The following CRACDL variants were observed in gnomAD, a reference collection of about 807,000 sequenced individuals.
CRACDL encodes the protein CRACD-like protein.
A neutral mutation model predicts 70.6 loss-of-function variants in CRACDL; 26 were observed. That is an observed-to-expected ratio of 0.37 (90% CI 0.27 to 0.51). The LOEUF is 0.51. CRACDL is among the 20% of genes least tolerant of loss of function. The pLI, the probability that CRACDL is intolerant of heterozygous loss-of-function variation, is 0.94. For missense variants in CRACDL, 1,283 were observed against 1,376.9 expected (o/e 0.93, Z 1.08); for synonymous variants, 618 against 615.2 (o/e 1.00, Z -0.07).
rs768371377 is a variant in CRACDL at position 98,822,308 on chromosome 2, C to A, written c.1965G>T (p.Gln655His). Residue 655 changes from glutamine to histidine, a missense_variant, in exon 7 of 10, where the codon CAG (glutamine) becomes CAT (histidine). Coordinates refer to ENST00000397899, the MANE Select transcript of CRACDL (RefSeq NM_207362.3). This position sits in a 1 kb window ranked among gnomAD's most constrained non-coding sequence, Gnocchi z 4.9. Reference protein sequence around the residue: ...ASPAGPRKSPQEAAAAPGTRE... With the variant: ...ASPAGPRKSPHEAAAAPGTRE... ...TCGTGCCGGGCGCGGCGGCCGCCTC[C>A]TGAGGGCTCTTGCGCGGCCCGGCCG... 13 of 1,508,158 alleles carry A rather than the reference C, an allele frequency of 8.6e-6. No homozygotes were observed. Among genetic ancestry groups the A allele is most frequent in the Non-Finnish European group, 1.1e-5 (12 of 1,138,814 alleles). 93.4% of individuals were successfully genotyped at this position (1,508,158 alleles called of 1,614,324 possible).
intron 2 of CRACDL, among the ~76,000 whole-genome samples, chr2:98,845,174 T>G (rs964195047): frequency 6.6e-6 from 1 of 151,166 alleles, no homozygotes; most frequent in Non-Finnish European, 1.5e-5. Context: ...GGTTGCCATT[T>G]TCCTTTTCTT....
chr2:98,897,453 TG>T, intron 1 of CRACDL: 3 of 1,235,604 alleles, frequency 2.4e-6, no homozygotes, highest in Non-Finnish European at 3.2e-6. Flanking sequence ...ATTCATTACA[TG>T]GAGTATGCAG....
At chr2:98,843,096 C>T (rs1038649242) in intron 2 of CRACDL, among the ~76,000 whole-genome samples, 6 of 152,176 alleles carry the variant, frequency 3.9e-5, no homozygotes, top group East Asian at 3.9e-4. Context: ...ACGTTTAATA[C>T]GTGTGTCCTG....
intron 5 of CRACDL, among the ~76,000 whole-genome samples, chr2:98,827,723 G>A (rs772339354): frequency 6.6e-6 from 1 of 152,236 alleles, no homozygotes; most frequent in Non-Finnish European, 1.5e-5. Flanking sequence ...CAGAGAACCT[G>A]TGTCTCAGGC....
At chr2:98,901,995 G>A (rs557182220) in intron 1 of CRACDL, among the ~76,000 whole-genome samples, 12 of 152,164 alleles carry the variant, frequency 7.9e-5, no homozygotes, top group Admixed American at 5.2e-4. Context: ...CCGAGAAAGC[G>A]GGACGTCATA....
intron 1 of CRACDL, among the ~76,000 whole-genome samples, chr2:98,885,046 G>T (rs1479619924): frequency 6.6e-6 from 1 of 152,164 alleles, no homozygotes; most frequent in South Asian, 2.1e-4. Flanking sequence ...GTAGCAAGAG[G>T]GTGCAGGGCA....
rs1324933327 is a variant in CRACDL, at chr2:98,832,425, A to T, written c.463T>A (p.Ser155Thr). 1 of 1,614,096 alleles carries T rather than the reference A, an allele frequency of 6.2e-7. No homozygotes were observed. Among genetic ancestry groups the T allele is most frequent in the Non-Finnish European group, 8.5e-7 (1 of 1,179,990 alleles). Residue 155 changes from serine to threonine, a missense_variant, in exon 5 of 10, where the codon TCT (serine) becomes ACT (threonine). Transcript: ENST00000397899. ...CTCCTGGGCAGCCCGTCGTCCTCAGAGCTCATGCCGGCATCCTCTCCCCGC... is the reference window on the plus strand; with the variant it reads ...CTCCTGGGCAGCCCGTCGTCCTCAGTGCTCATGCCGGCATCCTCTCCCCGC... ...AKRGEDAGMS[S>T]EDDGLPRSPP...
intron 1 of CRACDL, among the ~76,000 whole-genome samples, chr2:98,870,444 G>A (rs1422870698): frequency 1.3e-5 from 2 of 152,184 alleles, no homozygotes; most frequent in Non-Finnish European, 2.9e-5. Context: ...TGATAATCAC[G>A]CAGTGCGCTG....
At chr2:98,931,801 G>A (rs1709086286) in intron 1 of CRACDL, among the ~76,000 whole-genome samples, 2 of 152,184 alleles carry the variant, frequency 1.3e-5, no homozygotes, top group Non-Finnish European at 2.9e-5. Context: ...GGCTGACGCT[G>A]CTCAGGAGGT....
intron 7 of CRACDL, among the ~76,000 whole-genome samples, chr2:98,798,949 G>A (rs1703956264): frequency 6.6e-6 from 1 of 152,136 alleles, no homozygotes; most frequent in Non-Finnish European, 1.5e-5. Flanking sequence ...TTCCCAAAGT[G>A]CTGCAATTAC....
chr2:98,832,557 A>G, intron 4 of CRACDL, 45 bp from the exon 5 acceptor site: 1 of 1,483,180 alleles, frequency 6.7e-7, no homozygotes, highest in South Asian at 1.3e-5. Context: ...CATCAATGAT[A>G]TTTATCAACA....
intron 3 of CRACDL, among the ~76,000 whole-genome samples, chr2:98,837,309 T>G (rs1306027217): frequency 6.6e-6 from 1 of 151,124 alleles, no homozygotes; most frequent in Non-Finnish European, 1.5e-5. Flanking sequence ...GCAAGGAGGC[T>G]GGGGAGGGGC....
At chr2:98,795,047 A>AAAATTT (rs1553547096) in intron 9 of CRACDL, among the ~76,000 whole-genome samples, 1 of 39,444 alleles carries the variant, frequency 2.5e-5, no homozygotes, top group African/African-American at 1.2e-4. Context: ...AAAAATATAT[A>AAAATTT]TATATATATA....
At chr2:98,801,172 TC>T (rs1375625502) in intron 7 of CRACDL, among the ~76,000 whole-genome samples, 2 of 152,238 alleles carry the variant, frequency 1.3e-5, no homozygotes, top group Non-Finnish European at 2.9e-5. Context: ...CTCACCTTTT[TC>T]CTTGTCAGGA....
intron 1 of CRACDL, among the ~76,000 whole-genome samples, chr2:98,912,562 C>T (rs971674776): frequency 6.6e-6 from 1 of 152,216 alleles, no homozygotes; most frequent in Non-Finnish European, 1.5e-5. Flanking sequence ...GCAGGCTTTC[C>T]CTGAATGCCC....
At chr2:98,808,159 G>A (rs528126829) in intron 7 of CRACDL, among the ~76,000 whole-genome samples, 7 of 152,126 alleles carry the variant, frequency 4.6e-5, no homozygotes, top group South Asian at 2.1e-4. Flanking sequence ...TCCAAGTGTC[G>A]TCCACGGACC....
intron 1 of CRACDL, among the ~76,000 whole-genome samples, chr2:98,931,243 T>G (rs558977700): frequency 6.7e-5 from 10 of 149,074 alleles, no homozygotes; most frequent in African/African-American, 2.5e-4. Context: ...GAGAATCCCT[T>G]GAACCCAGGA....
intron 1 of CRACDL, among the ~76,000 whole-genome samples, chr2:98,912,596 AG>A (rs1413372085): frequency 2.0e-5 from 3 of 152,142 alleles, no homozygotes; most frequent in Non-Finnish European, 1.5e-5. Context: ...AGCTCCTGAG[AG>A]CCGACCCCCA....
Position 98,822,826 on chromosome 2 carries a change from G to T in CRACDL, c.1447C>A (p.Pro483Thr), listed in dbSNP as rs1373148711. 2 of 1,415,338 alleles carry T rather than the reference G, an allele frequency of 1.4e-6. No individual in the cohort carries two copies. Among genetic ancestry groups the T allele is most frequent in the South Asian group, 1.6e-5 (1 of 63,222 alleles). 87.7% of individuals were successfully genotyped at this position (1,415,338 alleles called of 1,614,324 possible). A position where few individuals can be genotyped will look rare whatever the true frequency, so the allele number is the denominator to read the frequency against. The change falls in exon 7 of 10, where the codon CCC becomes ACC. Residue 483 changes from proline to threonine, a missense_variant. Physicochemically the swap from Pro to Thr is conservative, Grantham distance 38. Around this residue, in one of 2 missense-constraint regions of CRACDL, gnomAD observed 921 missense variants for 881.9 expected, o/e 1.04. Coordinates refer to ENST00000397899, the MANE Select transcript of CRACDL (RefSeq NM_207362.3). The surrounding 1 kb of genome is among the most constrained non-coding windows in gnomAD (Gnocchi z 4.9). ...GGGCTCGGGGCGGGCGCCGTGGAGG[G>T]CTCGGTCCCAATTCTCTCGGGCTCG... Reference protein sequence around the residue: ...GTEPERIGTEPSTAPAPSPPA... With the variant: ...GTEPERIGTETSTAPAPSPPA...
Sources: allele counts gnomAD v4.1 joint callset (sites outside exome capture counted in the v4.1 genomes callset), GRCh38; gene constraint gnomAD v4.1.1; regional missense constraint gnomAD v4.1.1; non-coding constraint Gnocchi (gnomAD v3.1); transcripts MANE v1.5; gene names NCBI Gene and HGNC (gene_info 2026-07-23, HGNC 2026-07-21).